The following FRAS1 variants were observed in gnomAD, a reference collection of about 807,000 sequenced individuals.
The protein encoded by FRAS1 is extracellular matrix organizing protein FRAS1.
In FRAS1, 290 loss-of-function variants were observed where a neutral mutation model predicts 435.2. The ratio of observed to expected loss-of-function variants is 0.67; its 90% CI spans 0.61 to 0.73. FRAS1 has a LOEUF of 0.73. Among genes scored for constraint, FRAS1 ranks in the 30% least tolerant of loss-of-function variants. The probability of loss-of-function intolerance (pLI) is 0.00; values close to 1 mark genes in which losing one functional copy is unlikely to be tolerated. For missense variants in FRAS1, 4,860 were observed against 5,001.5 expected (o/e 0.97, Z 0.85); for synonymous variants, 1,800 against 1,851.0 (o/e 0.97, Z 0.71).
intron 4 of FRAS1, among the ~76,000 whole-genome samples, chr4:78,252,027 G>T (rs974518573): frequency 6.6e-6 from 1 of 152,142 alleles, no homozygotes; most frequent in East Asian, 1.9e-4. Context: ...CTACTGAAAA[G>T]GATATAGTCA....
chr4:78,262,584 T>C (rs1726162045), intron 6 of FRAS1, among the ~76,000 whole-genome samples: 1 of 152,182 alleles, frequency 6.6e-6, no homozygotes, highest in African/African-American at 2.4e-5. Flanking sequence ...GTGGACTGTT[T>C]GTCTTACTCT....
chr4:78,268,693 C>T (rs539806740), intron 9 of FRAS1, among the ~76,000 whole-genome samples: 3 of 152,312 alleles, frequency 2.0e-5, no homozygotes, highest in African/African-American at 7.2e-5. Context: ...GAGTCTCAGT[C>T]ACAGAAAATT....
At chr4:78,423,923 G>C (rs528088485) in intron 34 of FRAS1, among the ~76,000 whole-genome samples, 1 of 152,310 alleles carries the variant, frequency 6.6e-6, no homozygotes, top group East Asian at 1.9e-4. Flanking sequence ...TGTTCAGAGA[G>C]AGCAGAGTCC....
chr4:78,431,869 T>A (rs2110389183), intron 37 of FRAS1, among the ~76,000 whole-genome samples: 1 of 152,246 alleles, frequency 6.6e-6, no homozygotes, highest in Middle Eastern at 3.4e-3. Context: ...TAAAGTATAT[T>A]TTTTTCATTT....
At chr4:78,308,297 T>C (rs926898890) in intron 15 of FRAS1, 88 bp downstream of exon 15, 4 of 1,345,288 alleles carry the variant, frequency 3.0e-6, no homozygotes, top group Non-Finnish European at 4.1e-6. Flanking sequence ...ACATTACCAA[T>C]GTTTCTTTTA....
chr4:78,227,866 T>C (rs915283043), intron 2 of FRAS1, among the ~76,000 whole-genome samples: 8 of 152,346 alleles, frequency 5.3e-5, no homozygotes, highest in Admixed American at 2.6e-4. Context: ...ATCCAACTTT[T>C]CAGCAATGAC....
At chr4:78,275,510 G>C (rs1451732329) in intron 9 of FRAS1, among the ~76,000 whole-genome samples, 2 of 152,206 alleles carry the variant, frequency 1.3e-5, no homozygotes, top group African/African-American at 4.8e-5. Flanking sequence ...GGCAGGCCTG[G>C]TGGTGACAAA....
chr4:78,501,377 T>G (rs1391364638), intron 61 of FRAS1, among the ~76,000 whole-genome samples: 2 of 152,200 alleles, frequency 1.3e-5, no homozygotes, highest in Non-Finnish European at 2.9e-5. Flanking sequence ...TGACGGCCAT[T>G]TGGGTTGGTT....
At position 78,505,357 on chromosome 4, in the gene FRAS1, G is replaced by T. The variant is rs564439840; in HGVS notation, c.9317-2064G>T. On this transcript the variant is annotated intron_variant, in intron 61 of 73. Coordinates refer to ENST00000512123, the MANE Select transcript of FRAS1 (RefSeq NM_025074.7). Reference sequence around the variant, plus strand: ...GTTCCATTTTCCCCATCATTTTCAGGTACACCAATCAAATGTAGATTTTGT... The same window carrying T: ...GTTCCATTTTCCCCATCATTTTCAGTTACACCAATCAAATGTAGATTTTGT... Among the ~76,000 whole-genome samples, 550 of 152,234 alleles carry T rather than the reference G, an allele frequency of 3.6e-3. 4 individuals are homozygous for T. The highest frequency in any genetic ancestry group is 0.012 in the African/African-American group (512 of 41,546).
Position 78,317,433 on chromosome 4 carries a change from C to A in FRAS1, c.1885C>A (p.Pro629Thr), listed in dbSNP as rs765144262. Reference sequence around the variant, plus strand: ...CTCTCACTGTACAGCCTGCAGCCCCCCCAAGGCTCTGCGTCAAGGCCACTG... The same window carrying A: ...CTCTCACTGTACAGCCTGCAGCCCCACCAAGGCTCTGCGTCAAGGCCACTG... ...TPSHCTACSP[P>T]KALRQGHCLP... Residue 629 changes from proline to threonine, a missense_variant, in exon 17 of 74, where the codon CCC becomes ACC. Coordinates refer to ENST00000512123, the MANE Select transcript of FRAS1 (RefSeq NM_025074.7). 13 of 1,613,826 alleles carry A rather than the reference C, an allele frequency of 8.1e-6. No homozygotes were observed. The highest frequency in any genetic ancestry group is 1.1e-5 in the South Asian group (1 of 91,086).
intron 2 of FRAS1, among the ~76,000 whole-genome samples, chr4:78,169,336 G>T (rs2110034787): frequency 6.6e-6 from 1 of 152,138 alleles, no homozygotes; most frequent in South Asian, 2.1e-4. Flanking sequence ...GCTAATTATG[G>T]CTCATGGAGT....
At chr4:78,468,222 C>A (rs538987263) in intron 50 of FRAS1, among the ~76,000 whole-genome samples, 1 of 152,182 alleles carries the variant, frequency 6.6e-6, no homozygotes, top group Non-Finnish European at 1.5e-5. Flanking sequence ...AGGTTTAATT[C>A]TTTGGTCGAT....
intron 2 of FRAS1, among the ~76,000 whole-genome samples, chr4:78,204,235 C>T (rs1319996344): frequency 1.3e-5 from 2 of 152,138 alleles, no homozygotes; most frequent in Admixed American, 1.3e-4. Context: ...CCCCTAAGAG[C>T]AGTGGTTCAA....
chr4:78,149,988 G>A (rs1459301550), intron 2 of FRAS1, among the ~76,000 whole-genome samples: 1 of 152,206 alleles, frequency 6.6e-6, no homozygotes, highest in Non-Finnish European at 1.5e-5. Context: ...TGAGTGGGAG[G>A]TTGGGTACAT....
intron 5 of FRAS1, among the ~76,000 whole-genome samples, chr4:78,254,068 ACCAAGACAC>A (rs1417763763): frequency 3.3e-5 from 5 of 152,040 alleles, no homozygotes; most frequent in African/African-American, 1.2e-4. Flanking sequence ...CCACCTAGAA[ACCAAGACAC>A]CCAGATTTTG....
At chr4:78,379,591 A>T in intron 26 of FRAS1, 135 bp from the exon 27 acceptor site, 1 of 841,306 alleles carries the variant, frequency 1.2e-6, no homozygotes, top group Non-Finnish European at 1.9e-6. Flanking sequence ...AGTGAAATCA[A>T]CTCTGTTTCT....
chr4:78,365,896 C>T (rs762256267), intron 22 of FRAS1, among the ~76,000 whole-genome samples: 11 of 150,358 alleles, frequency 7.3e-5, no homozygotes, highest in South Asian at 2.1e-4. Context: ...ACCTGGGAGG[C>T]GGAGGCTGCA....
intron 9 of FRAS1, among the ~76,000 whole-genome samples, chr4:78,273,688 T>C (rs558156205): frequency 2.4e-3 from 362 of 152,264 alleles, no homozygotes; most frequent in Non-Finnish European, 3.7e-3. Flanking sequence ...TGGATAAGCT[T>C]TTTGATGTGC....
intron 2 of FRAS1, among the ~76,000 whole-genome samples, chr4:78,214,232 A>T (rs140135508): frequency 2.6e-5 from 4 of 152,288 alleles, no homozygotes; most frequent in African/African-American, 2.4e-5. Flanking sequence ...AGGTACTGTT[A>T]TGTTCTATCT....
Sources: gnomAD v4.1 joint callset for allele counts (sites outside exome capture counted in the v4.1 genomes callset) on GRCh38, gnomAD v4.1.1 for gene constraint, MANE v1.5 for transcripts, NCBI Gene and HGNC (gene_info 2026-07-23, HGNC 2026-07-21) for gene names.